Variants in ARL9 observed in about 807,000 individuals in gnomAD.
ARL9 encodes ADP-ribosylation factor-like protein 9.
ARL9 carries 14 observed loss-of-function variants against 27.0 expected under a neutral mutation model. The ratio of observed to expected loss-of-function variants is 0.52; its 90% CI spans 0.34 to 0.81. The LOEUF is 0.81. Ranked by LOEUF, ARL9 falls within the 30% of genes least tolerant of loss-of-function variation. The pLI is 0.01. For synonymous variants in ARL9, 106 were observed against 108.7 expected, an observed-to-expected ratio of 0.98 and a Z score of 0.15; for missense variants, 294 against 290.0, an observed-to-expected ratio of 1.01 and a Z score of -0.10.
At chr4:56,505,778 C>CA, upstream of ARL9, 3 of 1,360,358 alleles carry the variant, frequency 2.2e-6, no homozygotes, top group Non-Finnish European at 2.8e-6. Context: ...GTCGGGCGTG[C>CA]ACCTCGGGAG....
At chr4:56,523,228 G>T (rs1251214977) in intron 3 of ARL9, among the ~76,000 whole-genome samples, 1 of 152,002 alleles carries the variant, frequency 6.6e-6, no homozygotes, top group Non-Finnish European at 1.5e-5. Context: ...CTTTACAAAA[G>T]ATTTTTAAAA....
intron 3 of ARL9, among the ~76,000 whole-genome samples, chr4:56,522,417 T>G (rs533223683): frequency 6.7e-6 from 1 of 149,504 alleles, no homozygotes; most frequent in South Asian, 2.1e-4. Flanking sequence ...TGAGATTCCG[T>G]CTCAAAAAAA....
At position 56,523,827 on chromosome 4, in the gene ARL9, T is replaced by C; in HGVS notation, c.749T>C (p.Met250Thr). 1 of 1,614,048 alleles carries C rather than the reference T, an allele frequency of 6.2e-7. No homozygotes were observed. Among genetic ancestry groups the C allele is most frequent in the Non-Finnish European group, 8.5e-7 (1 of 1,179,900 alleles). ...AATGGCTCAGAGATACCCTCCACCA[T>C]GCAAGATGCCAAAGACTTGATTGCA... ...TKNGSEIPST[M>T]QDAKDLIAQL... The change falls in exon 4 of 4, where the codon ATG becomes ACG. Residue 250 changes from methionine to threonine, a missense_variant. By Grantham distance (81) the Met-to-Thr change is moderately conservative. Coordinates refer to ENST00000640821, the MANE Select transcript of ARL9 (RefSeq NM_001363794.2).
intron 1 of ARL9, among the ~76,000 whole-genome samples, chr4:56,509,216 T>G (rs1460171014): frequency 6.6e-6 from 1 of 150,638 alleles, no homozygotes; most frequent in Non-Finnish European, 1.5e-5. Context: ...TTTTGTTTTT[T>G]TTTTTTGGGA....
intron 2 of ARL9, among the ~76,000 whole-genome samples, chr4:56,517,055 A>G (rs1343847847): frequency 6.6e-6 from 1 of 152,234 alleles, no homozygotes; most frequent in Non-Finnish European, 1.5e-5. Context: ...ATTTGGCATT[A>G]GTTACATGCT....
Position 56,524,158 on chromosome 4 carries a change from C to A in ARL9, c.*282C>A. The A allele has an allele frequency of 3.5e-6, 1 of 287,292 alleles. No homozygotes were observed. Among genetic ancestry groups the A allele is most frequent in the Admixed American group, 4.6e-5 (1 of 21,560 alleles). 17.8% of individuals were successfully genotyped at this position (287,292 alleles called of 1,614,324 possible). On this transcript the variant is annotated 3_prime_UTR_variant, in exon 4 of 4. Transcript: ENST00000640821. ...TACAATATAACAACTATTTACATAGCATTTTCATTGTATTAGGTATTATAA... is the reference window on the plus strand; with the variant it reads ...TACAATATAACAACTATTTACATAGAATTTTCATTGTATTAGGTATTATAA...
At chr4:56,511,116 T>A (rs1346700842) in intron 1 of ARL9, 69 bp from the exon 2 acceptor site, 7 of 1,376,750 alleles carry the variant, frequency 5.1e-6, no homozygotes, top group Non-Finnish European at 6.7e-6. Context: ...TATTATTGGA[T>A]TCTGCCAAGA....
intron 1 of ARL9, chr4:56,506,786 TTGTGTGTGTGTGTGTGTGTGTG>T (rs138908292): frequency 6.1e-5 from 11 of 181,646 alleles, no homozygotes; most frequent in African/African-American, 3.4e-4. Flanking sequence ...ATTAACACAG[TTGTGTGTGTGTGTGTGTGTGTG>T]TGTGTGTGTG....
intron 2 of ARL9, among the ~76,000 whole-genome samples, chr4:56,513,764 G>T (rs1721700928): frequency 6.6e-6 from 1 of 152,310 alleles, no homozygotes; most frequent in South Asian, 2.1e-4. Context: ...TAAGATGCCT[G>T]CATGACACGA....
At chr4:56,505,335 T>C (rs1578204408), upstream of ARL9, 1 of 456,086 alleles carries the variant, frequency 2.2e-6, no homozygotes, top group Non-Finnish European at 4.4e-6. Flanking sequence ...TACAGGCTCA[T>C]GGTTGGGAGC....
intron 2 of ARL9, among the ~76,000 whole-genome samples, chr4:56,516,150 T>C (rs895032771): frequency 1.3e-5 from 2 of 152,172 alleles, no homozygotes; most frequent in African/African-American, 4.8e-5. Flanking sequence ...ATTCAATAAA[T>C]GGTGCAGGGA....
intron 1 of ARL9, among the ~76,000 whole-genome samples, chr4:56,509,566 G>A (rs1018945312): frequency 6.7e-6 from 1 of 149,808 alleles, no homozygotes; most frequent in Non-Finnish European, 1.5e-5. Flanking sequence ...ACGTTGTCTT[G>A]CTCTGTTGCC....
intron 2 of ARL9, among the ~76,000 whole-genome samples, chr4:56,516,920 C>A (rs1207197451): frequency 6.6e-6 from 1 of 152,104 alleles, no homozygotes; most frequent in African/African-American, 2.4e-5. Flanking sequence ...CAGAGCACAA[C>A]CTTGTCTCAA....
In ARL9 at chr4:56,505,832, G is replaced by T; in HGVS notation, c.-31G>T. ...GCCACCGCTCAGCACGCGGGCACGC[G>T]GCGGGAGGGAAGGAAACCGCGGCGC... On this transcript the variant is annotated 5_prime_UTR_variant, in exon 1 of 4. Transcript: ENST00000640821. 2.3e-6 allele frequency: 3 copies of T among 1,280,188 alleles called. No homozygotes were observed. Among genetic ancestry groups the T allele is most frequent in the South Asian group, 2.9e-5 (1 of 34,584 alleles). 79.3% of individuals were successfully genotyped at this position (1,280,188 alleles called of 1,614,324 possible). A position where few individuals can be genotyped will look rare whatever the true frequency, so the allele number is the denominator to read the frequency against.
intron 1 of ARL9, among the ~76,000 whole-genome samples, chr4:56,508,681 G>A (rs921912443): frequency 3.3e-5 from 5 of 152,026 alleles, no homozygotes; most frequent in South Asian, 2.1e-4. Context: ...CCACCGCACC[G>A]GCCTACTTTT....
At chr4:56,511,454 A>G (rs1721636039) in intron 2 of ARL9, 107 bp downstream of exon 2, 1 of 1,223,580 alleles carries the variant, frequency 8.2e-7, no homozygotes, top group Admixed American at 2.4e-5. Context: ...ACTGAATCAA[A>G]TTTTCCTAGA....
rs1130196 is a variant in ARL9 at position 56,524,372 on chromosome 4, T to C, written c.*496T>C. The C allele has an allele frequency of 1.3e-3, 193 of 152,754 alleles. No homozygotes were observed. The highest frequency in any genetic ancestry group is 2.2e-3 in the Non-Finnish European group (151 of 68,358). The allele number at this position is 152,754 out of a possible 1,614,324, so 9.5% of individuals were successfully genotyped here. A position where few individuals can be genotyped will look rare whatever the true frequency, so the allele number is the denominator to read the frequency against. On this transcript the variant is annotated 3_prime_UTR_variant, in exon 4 of 4. Coordinates refer to ENST00000640821, the MANE Select transcript of ARL9 (RefSeq NM_001363794.2). The stretch of plus-strand genomic sequence containing the variant: ...TAATAACAGCATCTCTATTTGGATT[T>C]TGAATGTTAAAAATATTTGTAAAAC...
At chr4:56,517,545 C>T (rs1276278381) in intron 2 of ARL9, among the ~76,000 whole-genome samples, 2 of 151,922 alleles carry the variant, frequency 1.3e-5, no homozygotes, top group Non-Finnish European at 2.9e-5. Context: ...ATATAATAGT[C>T]CTGTGTTAGA....
intron 2 of ARL9, among the ~76,000 whole-genome samples, 187 bp from the exon 3 acceptor site, chr4:56,518,491 C>T (rs896890353): frequency 1.3e-5 from 2 of 152,204 alleles, no homozygotes; most frequent in African/African-American, 4.8e-5. Flanking sequence ...GATGGTTCTT[C>T]TCACCAACCA....
Sources: gnomAD v4.1 joint callset for allele counts (sites outside exome capture counted in the v4.1 genomes callset) on GRCh38, gnomAD v4.1.1 for gene constraint, MANE v1.5 for transcripts, NCBI Gene and HGNC (gene_info 2026-07-23, HGNC 2026-07-21) for gene names.